SGIP1: variants seen among roughly 807,000 people sequenced by gnomAD.
SGIP1 encodes SH3-containing GRB2-like protein 3-interacting protein 1.
In SGIP1, 38 loss-of-function variants were observed where a neutral mutation model predicts 107.5. That is an observed-to-expected ratio of 0.35 (90% CI 0.27 to 0.46). The LOEUF (loss-of-function observed/expected upper bound fraction) is 0.46. Ranked by LOEUF, SGIP1 falls within the 20% of genes least tolerant of loss-of-function variation. The pLI, the probability that SGIP1 is intolerant of heterozygous loss-of-function variation, is 1.00. For synonymous variants in SGIP1, 365 were observed against 366.1 expected (o/e 1.00, Z 0.03); for missense variants, 929 against 1,019.5 (o/e 0.91, Z 1.21).
intron 1 of SGIP1, among the ~76,000 whole-genome samples, chr1:66,617,968 T>C (rs1470253420): frequency 6.6e-6 from 1 of 152,188 alleles, no homozygotes; most frequent in Admixed American, 6.5e-5. Flanking sequence ...TAAAATGTGA[T>C]CTGCTATTTA....
Position 66,677,087 on chromosome 1 carries a change from C to T in SGIP1, c.730C>T (p.Pro244Ser). 6.2e-7 allele frequency: 1 copy of T among 1,613,478 alleles called. No homozygotes were observed. The highest frequency in any genetic ancestry group is 8.5e-7 in the Non-Finnish European group (1 of 1,179,580). Reference protein sequence around the residue: ...MESPKLTRPFPTGTPPPLPPK... With the variant: ...MESPKLTRPFSTGTPPPLPPK... ...GTCGCCAAAGTTAACAAGGCCTTTT[C>T]CCACTGGAAGTAAGTTATGTGTCTG... Residue 244 changes from proline to serine, a missense_variant, in exon 13 of 25, where the codon CCC becomes TCC. By Grantham distance (74) the Pro-to-Ser change is moderately conservative (BLOSUM62 -1). Transcript: ENST00000371037.
At chr1:66,568,589 G>A (rs1005475138) in intron 1 of SGIP1, among the ~76,000 whole-genome samples, 45 of 152,036 alleles carry the variant, frequency 3.0e-4, no homozygotes, top group Non-Finnish European at 1.8e-4. Context: ...CAAAGGGAAT[G>A]CTTCCAGCTT....
chr1:66,740,844 C>A, intron 23 of SGIP1, 122 bp downstream of exon 23: 1 of 656,158 alleles, frequency 1.5e-6, no homozygotes, highest in Non-Finnish European at 2.6e-6. Context: ...TCCATTTTTG[C>A]GTTTACTTAT....
intron 1 of SGIP1, among the ~76,000 whole-genome samples, chr1:66,591,959 T>A (rs2063712970): frequency 6.6e-6 from 1 of 152,218 alleles, no homozygotes; most frequent in Admixed American, 6.5e-5. Context: ...GCCACCAGCA[T>A]GTCTCACCTC....
At chr1:66,673,477 G>T (rs1233407294) in intron 12 of SGIP1, 111 bp downstream of exon 12, 2 of 1,016,916 alleles carry the variant, frequency 2.0e-6, no homozygotes, top group Non-Finnish European at 2.7e-6. Flanking sequence ...TATTATTTTC[G>T]TGGGAAAGAA....
intron 7 of SGIP1, among the ~76,000 whole-genome samples, chr1:66,657,666 C>CT (rs2080061697): frequency 6.6e-6 from 1 of 152,088 alleles, no homozygotes; most frequent in Admixed American, 6.5e-5. Context: ...GGATAAGCCA[C>CT]TTTTCAACAA....
At chr1:66,739,235 C>G in intron 21 of SGIP1, 100 bp from the exon 22 acceptor site, 1 of 1,319,298 alleles carries the variant, frequency 7.6e-7, no homozygotes. Context: ...CTCTCACTCA[C>G]GGTTGCTTGT....
intron 1 of SGIP1, among the ~76,000 whole-genome samples, chr1:66,584,239 T>G (rs1171903576): frequency 6.6e-6 from 1 of 152,112 alleles, no homozygotes; most frequent in African/African-American, 2.4e-5. Context: ...AAATAAAGTT[T>G]AAATTAAGCT....
At chr1:66,662,733 A>T (rs1430619114) in intron 8 of SGIP1, among the ~76,000 whole-genome samples, 1 of 152,230 alleles carries the variant, frequency 6.6e-6, no homozygotes, top group Non-Finnish European at 1.5e-5. Flanking sequence ...TCTAAGTTGA[A>T]CACCAAAATA....
At position 66,675,531 on chromosome 1, in the gene SGIP1, C is replaced by CTT. The variant is rs1467845348; in HGVS notation, c.647-1469_647-1468dup. Among the ~76,000 whole-genome samples the CTT allele has an allele frequency of 1.2e-4, 9 of 72,028 alleles. No homozygotes were observed. In the South Asian group the frequency reaches 5.6e-3, roughly 45 times the overall value. The allele number at this position is 72,028 out of a possible 152,430, so 47.3% of individuals were successfully genotyped here. Reference sequence around the variant, plus strand: ...TTTCTTTTTCGTTGTTTTTCTTTTTCTTTTTCTTTCTTTTTTTTTTTTTTT... The same window carrying CTT: ...TTTCTTTTTCGTTGTTTTTCTTTTTCTTTTTTTCTTTCTTTTTTTTTTTTTTT... On this transcript the variant is annotated intron_variant, in intron 12 of 24. Transcript: ENST00000371037.
intron 1 of SGIP1, among the ~76,000 whole-genome samples, chr1:66,616,531 A>G (rs1429634802): frequency 6.6e-6 from 1 of 152,232 alleles, no homozygotes; most frequent in Non-Finnish European, 1.5e-5. Context: ...AGAGAAGTCA[A>G]TAAACTTGTC....
intron 7 of SGIP1, among the ~76,000 whole-genome samples, chr1:66,646,772 C>A (rs2149527974): frequency 6.6e-6 from 1 of 152,264 alleles, no homozygotes; most frequent in Non-Finnish European, 1.5e-5. Flanking sequence ...GGCAACAATC[C>A]TATTGTACAG....
chr1:66,562,533 G>T (rs979426792), intron 1 of SGIP1, among the ~76,000 whole-genome samples: 5 of 151,964 alleles, frequency 3.3e-5, no homozygotes, highest in African/African-American at 4.8e-5. Flanking sequence ...AGGACTAGTG[G>T]GTAGGTTCCC....
At chr1:66,597,899 G>A (rs564710141) in intron 1 of SGIP1, among the ~76,000 whole-genome samples, 2 of 152,066 alleles carry the variant, frequency 1.3e-5, no homozygotes, top group Non-Finnish European at 2.9e-5. Flanking sequence ...GACAAATTGA[G>A]TAATTTTGCA....
chr1:66,545,731 G>A (rs1382212993), intron 1 of SGIP1, among the ~76,000 whole-genome samples: 1 of 151,794 alleles, frequency 6.6e-6, no homozygotes, highest in Non-Finnish European at 1.5e-5. Context: ...ACATGATTGT[G>A]GGGACTGGCA....
At chr1:66,555,029 A>T (rs554958705) in intron 1 of SGIP1, among the ~76,000 whole-genome samples, 1 of 152,238 alleles carries the variant, frequency 6.6e-6, no homozygotes, top group East Asian at 1.9e-4. Flanking sequence ...CCTTTATCTC[A>T]TAAGTTCAGT....
chr1:66,667,421 G>A, intron 8 of SGIP1, 109 bp from the exon 9 acceptor site: 1 of 983,456 alleles, frequency 1.0e-6, no homozygotes, highest in Non-Finnish European at 1.6e-6. Context: ...ATTCTCTGGA[G>A]TGTATGTTTG....
chr1:66,571,191 A>G (rs893457960), intron 1 of SGIP1, among the ~76,000 whole-genome samples: 3 of 152,028 alleles, frequency 2.0e-5, no homozygotes, highest in African/African-American at 7.2e-5. Flanking sequence ...AATGAAACCA[A>G]AAAGGAAGCA....
At chr1:66,555,387 G>C (rs1472272622) in intron 1 of SGIP1, among the ~76,000 whole-genome samples, 1 of 151,942 alleles carries the variant, frequency 6.6e-6, no homozygotes, top group African/African-American at 2.4e-5. Context: ...CCTTTACCAG[G>C]GCTGTTTTCT....
Sources: gnomAD v4.1 joint callset for allele counts (sites outside exome capture counted in the v4.1 genomes callset) on GRCh38, gnomAD v4.1.1 for gene constraint, MANE v1.5 for transcripts, NCBI Gene and HGNC (gene_info 2026-07-23, HGNC 2026-07-21) for gene names.